TOX3: variants seen among roughly 807,000 people sequenced by gnomAD.
TOX3 encodes CAG trinucleotide repeat-containing gene F9 protein.
TOX3 carries 22 observed loss-of-function variants against 64.3 expected under a neutral mutation model. The observed-to-expected ratio is 0.34, with a 90% CI of 0.24 to 0.49. The LOEUF (loss-of-function observed/expected upper bound fraction) is 0.49, where lower values mean the gene tolerates loss of function less well. TOX3 is among the 20% of genes least tolerant of loss of function. The pLI is 0.99. For synonymous variants in TOX3, 291 were observed against 273.6 expected (o/e 1.06, Z -0.63); for missense variants, 661 against 714.4 (o/e 0.93, Z 0.85).
chr16:52,478,577 A>G (rs891760691), intron 1 of TOX3, among the ~76,000 whole-genome samples: 7 of 152,166 alleles, frequency 4.6e-5, no homozygotes, highest in African/African-American at 1.7e-4. Context: ...TAGACAGTCC[A>G]TTTGTCTAGT....
intron 3 of TOX3, among the ~76,000 whole-genome samples, chr16:52,454,844 T>C (rs1232016703): frequency 1.3e-5 from 2 of 152,206 alleles, no homozygotes; most frequent in African/African-American, 4.8e-5. Context: ...ACAAATTTAC[T>C]ACAACATAAT....
At chr16:52,471,272 G>A (rs1275572005) in intron 1 of TOX3, among the ~76,000 whole-genome samples, 1 of 152,056 alleles carries the variant, frequency 6.6e-6, no homozygotes, top group African/African-American at 2.4e-5. Flanking sequence ...TGAAAGGGTG[G>A]TATTTTCATT....
rs144254565 is a variant in TOX3 at position 52,469,459 on chromosome 16, T to C, written c.88-885A>G. ...ATATGGAAAGGCTCTGTGAGTATAA[T>C]AATCTAGAGCTATATTATTTTCATG... On this transcript the variant is annotated intron_variant, in intron 1 of 6. Transcript: ENST00000219746. 2.0e-3 allele frequency among the ~76,000 whole-genome samples: 304 copies of C among 152,340 alleles called. 1 individual carries two copies. The highest frequency in any genetic ancestry group is 3.5e-3 in the Non-Finnish European group (240 of 68,032).
At chr16:52,485,246 G>GTATA (rs34195222) in intron 1 of TOX3, among the ~76,000 whole-genome samples, 14,561 of 127,410 alleles carry the variant, frequency 0.11, 881 homozygotes, top group East Asian at 0.21. Flanking sequence ...ATGTGTGTGT[G>GTATA]TATATATATA....
intron 1 of TOX3, among the ~76,000 whole-genome samples, chr16:52,520,241 A>G (rs1427984135): frequency 6.6e-6 from 1 of 152,224 alleles, no homozygotes; most frequent in African/African-American, 2.4e-5. Flanking sequence ...CAGTTTTCCA[A>G]TAAAATTGTG....
At chr16:52,535,122 A>C (rs951859582) in intron 1 of TOX3, among the ~76,000 whole-genome samples, 1 of 152,206 alleles carries the variant, frequency 6.6e-6, no homozygotes, top group Non-Finnish European at 1.5e-5. Context: ...AAACAAGAAC[A>C]CTACAGAGTA....
At chr16:52,536,978 T>C (rs1962963831) in intron 1 of TOX3, among the ~76,000 whole-genome samples, 1 of 151,920 alleles carries the variant, frequency 6.6e-6, no homozygotes, top group Non-Finnish European at 1.5e-5. Context: ...TTACCAAGGC[T>C]TCATTTAAGG....
chr16:52,524,768 G>A (rs1386639240), intron 1 of TOX3, among the ~76,000 whole-genome samples: 3 of 152,074 alleles, frequency 2.0e-5, no homozygotes, highest in African/African-American at 4.8e-5. Context: ...ACTTCAGCAC[G>A]ACAGGCAAGA....
chr16:52,515,193 A>AG (rs1555487073), intron 1 of TOX3, among the ~76,000 whole-genome samples: 1 of 150,888 alleles, frequency 6.6e-6, no homozygotes, highest in African/African-American at 2.4e-5. Flanking sequence ...GTTAAAAAAA[A>AG]AAAAAGAAAA....
At chr16:52,484,687 G>T (rs1262157568) in intron 1 of TOX3, among the ~76,000 whole-genome samples, 1 of 152,088 alleles carries the variant, frequency 6.6e-6, no homozygotes, top group Non-Finnish European at 1.5e-5. Context: ...CTAGCCCAGT[G>T]CAGAGAAATA....
chr16:52,474,463 A>C (rs1157966078), intron 1 of TOX3, among the ~76,000 whole-genome samples: 4 of 152,086 alleles, frequency 2.6e-5, no homozygotes, highest in Non-Finnish European at 5.9e-5. Flanking sequence ...CTCTACTAAA[A>C]AAAAAATTAT....
chr16:52,458,964 C>CA (rs5816847), intron 3 of TOX3, among the ~76,000 whole-genome samples: 17 of 149,454 alleles, frequency 1.1e-4, no homozygotes, highest in South Asian at 8.5e-4. Context: ...CACTGGTAGT[C>CA]AAAAAAAAAG....
chr16:52,445,795 C>T, intron 5 of TOX3, 199 bp downstream of exon 5: 1 of 579,932 alleles, frequency 1.7e-6, no homozygotes, highest in South Asian at 2.4e-5. Context: ...GAACATGCAC[C>T]CATAAGCTGA....
chr16:52,529,259 T>A lies in TOX3; in HGVS notation c.87+17378A>T, dbSNP rs533454699. ...CCCATAAGAAATAAATTCTAGCAAG[T>A]ACTGTAAATAAAGAATTGTATCCAC... is the stretch of plus-strand genomic sequence containing the variant. On this transcript the variant is annotated intron_variant, in intron 1 of 6. Coordinates refer to ENST00000219746, the MANE Select transcript of TOX3 (RefSeq NM_001080430.4). Among the ~76,000 whole-genome samples the A allele has an allele frequency of 2.6e-5, 4 of 152,324 alleles. No individual in the cohort carries two copies. In the South Asian group the frequency reaches 8.3e-4, roughly 32 times the overall value.
intron 3 of TOX3, 94 bp from the exon 4 acceptor site, chr16:52,450,640 G>T: frequency 1.3e-6 from 2 of 1,485,534 alleles, no homozygotes; most frequent in Non-Finnish European, 1.8e-6. Flanking sequence ...GGTTTGAACT[G>T]TTGCAATGTT....
At chr16:52,473,372 A>AC (rs1025767444) in intron 1 of TOX3, among the ~76,000 whole-genome samples, 6 of 152,262 alleles carry the variant, frequency 3.9e-5, no homozygotes, top group African/African-American at 1.4e-4. Flanking sequence ...TAAAAAAAAA[A>AC]AAGATAATCC....
chr16:52,517,895 A>G (rs1018595650), intron 1 of TOX3, among the ~76,000 whole-genome samples: 2 of 152,356 alleles, frequency 1.3e-5, no homozygotes, highest in Non-Finnish European at 2.9e-5. Context: ...TTCTAAAAAC[A>G]AAGTATATTT....
chr16:52,512,563 C>T (rs1374695306), intron 1 of TOX3, among the ~76,000 whole-genome samples: 1 of 152,158 alleles, frequency 6.6e-6, no homozygotes, highest in Non-Finnish European at 1.5e-5. Flanking sequence ...AGTCCATGCC[C>T]TTGGTGACTG....
intron 1 of TOX3, among the ~76,000 whole-genome samples, chr16:52,546,200 G>C (rs915152745): frequency 6.6e-6 from 1 of 152,130 alleles, no homozygotes; most frequent in Non-Finnish European, 1.5e-5. Flanking sequence ...GAGTAGGTGG[G>C]GGAGGTAAGA....
Sources: gnomAD v4.1 joint callset for allele counts (sites outside exome capture counted in the v4.1 genomes callset) on GRCh38, gnomAD v4.1.1 for gene constraint, MANE v1.5 for transcripts, NCBI Gene and HGNC (gene_info 2026-07-23, HGNC 2026-07-21) for gene names.